The following NUP98 variants were observed in gnomAD, a reference collection of about 807,000 sequenced individuals.
NUP98 encodes the protein nucleoporin 98 and 96 precursor, also known as nuclear pore complex protein Nup98-Nup96.
A neutral mutation model predicts 191.9 loss-of-function variants in NUP98; 26 were observed. The observed-to-expected ratio is 0.14, with a 90% CI of 0.10 to 0.19. The LOEUF is 0.19. Ranked by LOEUF, NUP98 falls within the 10% of genes least tolerant of loss-of-function variation. The pLI, the probability that NUP98 is intolerant of heterozygous loss-of-function variation, is 1.00. For synonymous variants in NUP98, 808 were observed against 778.4 expected, an observed-to-expected ratio of 1.04 and a Z score of -0.63; for missense variants, 1,941 against 2,178.8, an observed-to-expected ratio of 0.89 and a Z score of 2.17.
At chr11:3,791,193 C>G (rs969383195) in intron 1 of NUP98, among the ~76,000 whole-genome samples, 2 of 152,066 alleles carry the variant, frequency 1.3e-5, no homozygotes, top group Non-Finnish European at 2.9e-5. Flanking sequence ...CTGCGCCCCG[C>G]CCACCATTTT....
intron 18 of NUP98, 110 bp downstream of exon 18, chr11:3,719,302 C>A: frequency 1.3e-6 from 1 of 796,348 alleles, no homozygotes; most frequent in South Asian, 1.9e-5. Context: ...TAAATGTACT[C>A]TATAGTAAGG....
rs2077802448 is a variant in NUP98 at position 3,676,186 on chromosome 11, C to T, written c.5376G>A (p.Leu1792=). The T allele has an allele frequency of 6.2e-7, 1 of 1,614,012 alleles. No individual in the cohort carries two copies. The highest frequency in any genetic ancestry group is 1.1e-5 in the South Asian group (1 of 91,088). Residue 1792 remains leucine (L), a synonymous_variant, in exon 33 of 33, where the codon CTG becomes CTA. Transcript: ENST00000324932. ...DELRSLTQSY[L]RELAVGSL is the part of the protein sequence containing the mutation. ...ACAGGCTCCCAACAGCCAGTTCTCG[C>T]AGATAGGACTGGGTAAGGCTGCGCA...
At position 3,695,483 on chromosome 11, in the gene NUP98, C is replaced by T. The variant is rs1485684841; in HGVS notation, c.4133G>A (p.Arg1378Lys). ...LQADSFIQDE[R>K]LRIFALLAGK... is the part of the protein sequence containing the mutation. Reference sequence around the variant, plus strand: ...AGCCAACAGAGCAAAGATGCGCAGTCTCTCATCCTGGATGAAGGAGTCTGC... The same window carrying T: ...AGCCAACAGAGCAAAGATGCGCAGTTTCTCATCCTGGATGAAGGAGTCTGC... Residue 1378 changes from arginine to lysine, a missense_variant, in exon 26 of 33, where the codon AGA (arginine) becomes AAA (lysine). By Grantham distance (26) the Arg-to-Lys change is conservative. This residue lies in a region of NUP98 where 1,030 missense variants were observed against 1,115.8 expected (regional missense o/e 0.92). Coordinates refer to ENST00000324932, the MANE Select transcript of NUP98 (RefSeq NM_016320.5). 4 of 1,604,112 alleles carry T rather than the reference C, an allele frequency of 2.5e-6. No homozygotes were observed. Among genetic ancestry groups the T allele is most frequent in the Non-Finnish European group, 3.4e-6 (4 of 1,174,762 alleles).
At chr11:3,793,732 A>T (rs1312806286) in intron 1 of NUP98, among the ~76,000 whole-genome samples, 4 of 151,964 alleles carry the variant, frequency 2.6e-5, no homozygotes. Flanking sequence ...GCACTTTGGG[A>T]GGCCAAAGCG....
chr11:3,694,531 G>A (rs1274832189), intron 26 of NUP98, among the ~76,000 whole-genome samples: 6 of 151,696 alleles, frequency 4.0e-5, no homozygotes, highest in Admixed American at 3.9e-4. Context: ...ATGAGGTCAG[G>A]AGACCGAGAC....
At chr11:3,715,683 C>G (rs747972290) in intron 18 of NUP98, among the ~76,000 whole-genome samples, 6 of 152,100 alleles carry the variant, frequency 3.9e-5, no homozygotes, top group Non-Finnish European at 5.9e-5. Context: ...CTGTTCGAGA[C>G]CAACCTGGCC....
intron 14 of NUP98, among the ~76,000 whole-genome samples, chr11:3,729,100 C>T (rs983250668): frequency 2.6e-5 from 4 of 152,018 alleles, no homozygotes; most frequent in Admixed American, 1.3e-4. Flanking sequence ...GGGTAAGATA[C>T]AAGAATCTTT....
At chr11:3,739,213 C>T (rs1342835215) in intron 12 of NUP98, among the ~76,000 whole-genome samples, 2 of 152,128 alleles carry the variant, frequency 1.3e-5, no homozygotes, top group African/African-American at 2.4e-5. Flanking sequence ...CTACCACCTT[C>T]TACTAAAACC....
At chr11:3,751,637 T>C (rs2080759918) in intron 11 of NUP98, among the ~76,000 whole-genome samples, 1 of 152,276 alleles carries the variant, frequency 6.6e-6, no homozygotes, top group Non-Finnish European at 1.5e-5. Flanking sequence ...GGCAGGAGGA[T>C]GGCTTCAGCC....
At chr11:3,789,289 C>T (rs944243638) in intron 1 of NUP98, among the ~76,000 whole-genome samples, 2 of 152,060 alleles carry the variant, frequency 1.3e-5, no homozygotes, top group Non-Finnish European at 2.9e-5. Flanking sequence ...AGCTAGAATG[C>T]CATAATTTCT....
chr11:3,700,903 TCAAC>T (rs1327910029), intron 23 of NUP98, 64 bp from the exon 24 acceptor site: 2 of 1,055,282 alleles, frequency 1.9e-6, no homozygotes, highest in Non-Finnish European at 2.8e-6. Context: ...GATTTTTACT[TCAAC>T]CAAACCACTG....
intron 24 of NUP98, 109 bp from the exon 25 acceptor site, chr11:3,699,457 C>G: frequency 1.7e-6 from 2 of 1,195,706 alleles, no homozygotes; most frequent in South Asian, 1.4e-5. Flanking sequence ...ATAGACATCT[C>G]AAACAACCAC....
intron 30 of NUP98, 100 bp from the exon 31 acceptor site, chr11:3,679,808 T>C: frequency 8.4e-7 from 1 of 1,186,902 alleles, no homozygotes; most frequent in Admixed American, 2.6e-5. Flanking sequence ...AGAAATAATG[T>C]TGGCTGGACT....
chr11:3,703,461 C>T (rs2078771091), intron 22 of NUP98, among the ~76,000 whole-genome samples: 1 of 152,248 alleles, frequency 6.6e-6, no homozygotes, highest in Non-Finnish European at 1.5e-5. Flanking sequence ...CGTGATCCAC[C>T]TGCCTCAGCC....
chr11:3,754,682 C>T (rs545775476), intron 10 of NUP98, among the ~76,000 whole-genome samples: 21 of 152,192 alleles, frequency 1.4e-4, no homozygotes, highest in Admixed American at 1.2e-3. Context: ...TGGCTCACAA[C>T]TGTAATCCCA....
chr11:3,758,595 G>A (rs978693549), intron 10 of NUP98, among the ~76,000 whole-genome samples: 4 of 152,176 alleles, frequency 2.6e-5, no homozygotes, highest in East Asian at 1.9e-4. Flanking sequence ...AACCAGCCTC[G>A]CCAACACGGT....
intron 11 of NUP98, among the ~76,000 whole-genome samples, chr11:3,751,650 G>A (rs2080760994): frequency 6.6e-6 from 1 of 152,150 alleles, no homozygotes; most frequent in African/African-American, 2.4e-5. Flanking sequence ...CTTCAGCCCA[G>A]GGGTTCGAGA....
chr11:3,717,594 G>A (rs1196820834), intron 18 of NUP98, among the ~76,000 whole-genome samples: 1 of 152,042 alleles, frequency 6.6e-6, no homozygotes, highest in Non-Finnish European at 1.5e-5. Flanking sequence ...CATCTTTAGG[G>A]ATTTCTACAC....
chr11:3,795,002 A>G (rs573785991), intron 1 of NUP98, among the ~76,000 whole-genome samples: 1 of 152,372 alleles, frequency 6.6e-6, no homozygotes, highest in Non-Finnish European at 1.5e-5. Flanking sequence ...GAAATTAAAC[A>G]TTAGTACCAT....
Sources: allele counts gnomAD v4.1 joint callset (sites outside exome capture counted in the v4.1 genomes callset), GRCh38; gene constraint gnomAD v4.1.1; regional missense constraint gnomAD v4.1.1; transcripts MANE v1.5; gene names NCBI Gene and HGNC (gene_info 2026-07-23, HGNC 2026-07-21).